TPP2: variants seen among roughly 807,000 people sequenced by gnomAD.
The protein encoded by TPP2 is tripeptidyl peptidase 2, also known as tripeptidyl-peptidase 2.
Under a neutral mutation model 155.9 loss-of-function variants are expected in TPP2, and 34 were observed. The observed-to-expected ratio is 0.22, with a 90% CI of 0.17 to 0.29. The LOEUF (loss-of-function observed/expected upper bound fraction) is 0.29, where lower values mean the gene tolerates loss of function less well. Ranked by LOEUF, TPP2 falls within the 10% of genes least tolerant of loss-of-function variation. TPP2 has a pLI of 1.00. For synonymous variants in TPP2, 510 were observed against 529.4 expected (o/e 0.96, Z 0.50); for missense variants, 1,028 against 1,522.3 (o/e 0.68, Z 5.40).
At chr13:102,661,759 C>T (rs1169410372) in intron 25 of TPP2, among the ~76,000 whole-genome samples, 1 of 152,094 alleles carries the variant, frequency 6.6e-6, no homozygotes, top group Non-Finnish European at 1.5e-5. Context: ...TGACTGGAAT[C>T]ATAAAGTCAG....
At chr13:102,645,350 A>G (rs190475813) in intron 19 of TPP2, among the ~76,000 whole-genome samples, 64 of 152,374 alleles carry the variant, frequency 4.2e-4, no homozygotes, top group Admixed American at 1.6e-3. Context: ...AGAAACTGCA[A>G]TACCATTAGA....
chr13:102,645,486 G>A (rs368852656), intron 19 of TPP2, among the ~76,000 whole-genome samples: 37 of 152,230 alleles, frequency 2.4e-4, no homozygotes, highest in African/African-American at 7.7e-4. Flanking sequence ...AAGATACCTG[G>A]TTTCTTTTGT....
At chr13:102,645,474 T>A (rs1883041190) in intron 19 of TPP2, among the ~76,000 whole-genome samples, 1 of 152,232 alleles carries the variant, frequency 6.6e-6, no homozygotes. Context: ...CACTGTGTTA[T>A]AAAGATACCT....
chr13:102,658,100 T>C (rs947542868), intron 25 of TPP2, among the ~76,000 whole-genome samples: 1 of 152,226 alleles, frequency 6.6e-6, no homozygotes, highest in African/African-American at 2.4e-5. Flanking sequence ...CAGATTTTAC[T>C]CTAGTGTACT....
At chr13:102,654,831 A>G (rs983239159) in intron 24 of TPP2, 1 of 408,432 alleles carries the variant, frequency 2.4e-6, no homozygotes, top group African/African-American at 2.1e-5. Context: ...GTCTGTTTCC[A>G]TAAGAACTTG....
intron 25 of TPP2, among the ~76,000 whole-genome samples, chr13:102,661,359 T>TGA (rs1478639821): frequency 6.6e-6 from 1 of 151,234 alleles, no homozygotes; most frequent in East Asian, 2.0e-4. Context: ...CAAGGGATCT[T>TGA]CCCACTTCAG....
rs541605762 is a variant in TPP2, at chr13:102,652,113, T to A, written c.2991+716T>A. Among the ~76,000 whole-genome samples, 6 of 152,280 alleles carry A rather than the reference T, an allele frequency of 3.9e-5. No individual in the cohort carries two copies. The South Asian group carries it at 1.2e-3, about 32-fold the overall frequency. ...TTTTAGGGCCAGGCGCAGTGACTCA[T>A]GCCTGTAATCCCGGCACTTTGGGAG... On this transcript the variant is annotated intron_variant, in intron 24 of 29. Transcript: ENST00000376052.
At chr13:102,632,145 A>G (rs1882060540) in intron 10 of TPP2, among the ~76,000 whole-genome samples, 1 of 152,318 alleles carries the variant, frequency 6.6e-6, no homozygotes, top group South Asian at 2.1e-4. Context: ...TCACAGCTAC[A>G]TAAACAGGTC....
At chr13:102,606,975 T>C (rs149248452) in intron 2 of TPP2, among the ~76,000 whole-genome samples, 5 of 152,316 alleles carry the variant, frequency 3.3e-5, no homozygotes, top group African/African-American at 1.2e-4. Flanking sequence ...TATGAGTATG[T>C]GTCCCCTCAG....
intron 27 of TPP2, among the ~76,000 whole-genome samples, chr13:102,668,121 A>G (rs933877007): frequency 3.9e-5 from 6 of 152,182 alleles, no homozygotes; most frequent in African/African-American, 1.4e-4. Context: ...GTCTAGCGCA[A>G]ATGATCAAAG....
At chr13:102,648,812 G>A (rs1176508475) in intron 21 of TPP2, 95 bp from the exon 22 acceptor site, 7 of 1,449,600 alleles carry the variant, frequency 4.8e-6, no homozygotes, top group Non-Finnish European at 6.4e-6. Context: ...TTATGAACAA[G>A]TCTGTGAATG....
Position 102,678,542 on chromosome 13 carries a change from C to T in TPP2, c.*226C>T, listed in dbSNP as rs1270409786. On this transcript the variant is annotated 3_prime_UTR_variant, in exon 30 of 30. Coordinates refer to ENST00000376052, the MANE Select transcript of TPP2 (RefSeq NM_001330588.2). Reference sequence around the variant, plus strand: ...TTCTTAATGCCTCACATTGCTGGCACGGGGATGTGCCCTGCCTGCCAGCAC... The same window carrying T: ...TTCTTAATGCCTCACATTGCTGGCATGGGGATGTGCCCTGCCTGCCAGCAC... 6 of 422,818 alleles carry T rather than the reference C, an allele frequency of 1.4e-5. No homozygotes were observed. Among genetic ancestry groups the T allele is most frequent in the South Asian group, 3.3e-5 (1 of 29,900 alleles). 26.2% of individuals were successfully genotyped at this position (422,818 alleles called of 1,614,324 possible).
chr13:102,600,757 ACT>A (rs1012512605), intron 1 of TPP2, among the ~76,000 whole-genome samples: 9 of 151,296 alleles, frequency 5.9e-5, no homozygotes, highest in Admixed American at 5.3e-4. Context: ...GTTTCATAAA[ACT>A]CTATTTTTAC....
chr13:102,665,907 A>C (rs1438542514), intron 27 of TPP2, among the ~76,000 whole-genome samples: 1 of 152,162 alleles, frequency 6.6e-6, no homozygotes. Flanking sequence ...GATCTTATGA[A>C]TCTTACAAGC....
intron 27 of TPP2, chr13:102,667,818 AG>A: frequency 1.0e-6 from 1 of 985,680 alleles, no homozygotes; most frequent in Non-Finnish European, 1.2e-6. Context: ...TCCATCAGGC[AG>A]CATTTGCCGA....
At chr13:102,614,345 T>G in intron 3 of TPP2, 149 bp downstream of exon 3, 1 of 614,536 alleles carries the variant, frequency 1.6e-6, no homozygotes, top group South Asian at 2.4e-5. Context: ...AATGACTGCT[T>G]AAAGATTCTG....
At chr13:102,647,143 T>C (rs996106457) in intron 20 of TPP2, 64 bp from the exon 21 acceptor site, 8 of 1,484,148 alleles carry the variant, frequency 5.4e-6, no homozygotes, top group South Asian at 4.3e-5. Context: ...AATAACAATA[T>C]TAAAAATTTG....
rs613926 is a variant in TPP2, at chr13:102,638,185, G to A, written c.1837-54G>A. 3.8e-4 allele frequency: 574 copies of A among 1,508,324 alleles called. 7 individuals carry two copies. The South Asian group carries it at 5.1e-3, about 13-fold the overall frequency. 93.4% of individuals were successfully genotyped at this position (1,508,324 alleles called of 1,614,324 possible). On this transcript the variant is annotated intron_variant, in intron 14 of 29. Coordinates refer to ENST00000376052, the MANE Select transcript of TPP2 (RefSeq NM_001330588.2). Reference sequence around the variant, plus strand: ...CTGTCAGTAGTTTAGACCTTCCCCCGCTCTTTTAAACATTTGTTTATGGAT... The same window carrying A: ...CTGTCAGTAGTTTAGACCTTCCCCCACTCTTTTAAACATTTGTTTATGGAT...
At chr13:102,611,511 G>A (rs9300750) in intron 2 of TPP2, among the ~76,000 whole-genome samples, 98,157 of 151,872 alleles carry the variant, frequency 0.65, 33,051 homozygotes, top group African/African-American at 0.85. Flanking sequence ...CCCCCTCTCT[G>A]CTAAAAATAC....
Sources: gnomAD v4.1 joint callset for allele counts (sites outside exome capture counted in the v4.1 genomes callset) on GRCh38, gnomAD v4.1.1 for gene constraint, MANE v1.5 for transcripts, NCBI Gene and HGNC (gene_info 2026-07-23, HGNC 2026-07-21) for gene names.